The following RGPD2 variants were observed in gnomAD, a reference collection of about 807,000 sequenced individuals.
RGPD2 encodes the protein RANBP2-like and GRIP domain-containing protein 2.
A neutral mutation model predicts 36.0 loss-of-function variants in RGPD2; 2 were observed. The observed-to-expected ratio is 0.06, with a 90% CI of 0.02 to 0.17. The LOEUF is 0.17. Ranked by LOEUF, RGPD2 falls within the 10% of genes least tolerant of loss-of-function variation. RGPD2 has a pLI of 1.00. For missense variants in RGPD2, 40 were observed against 464.3 expected (o/e 0.09, Z 8.40); for synonymous variants, 19 against 163.8 (o/e 0.12, Z 6.75).
chr2:87,884,048 A>G, the RGPD2 span, among the ~76,000 whole-genome samples: 11 of 151,998 alleles, frequency 7.2e-5, no homozygotes, highest in South Asian at 4.2e-4. Context: ...ATTTTAGGCA[A>G]CAACACGATT....
chr2:87,983,896 T>A, the RGPD2 span, among the ~76,000 whole-genome samples: 1 of 152,346 alleles, frequency 6.6e-6, no homozygotes, highest in East Asian at 1.9e-4. Flanking sequence ...CATTAAGAAA[T>A]AAGACCAGGA....
the RGPD2 span, among the ~76,000 whole-genome samples, chr2:87,857,919 A>G: frequency 1.3e-5 from 2 of 152,256 alleles, no homozygotes; most frequent in African/African-American, 4.8e-5. Context: ...TATGTAGTTC[A>G]ATAAAAATAT....
chr2:87,965,296 C>T, the RGPD2 span, among the ~76,000 whole-genome samples: 1 of 138,042 alleles, frequency 7.2e-6, no homozygotes, highest in Admixed American at 7.9e-5. Flanking sequence ...TTAGCTTACC[C>T]CTTTTTGACT....
intron 1 of RGPD2, chr2:87,824,831 CGCCGCCGCCGCCCGGCCAGGCCGAG>C (rs1558738609): frequency 9.7e-6 from 1 of 103,496 alleles, no homozygotes; most frequent in Non-Finnish European, 1.9e-5. Context: ...CCGAGGCCGC[CGCCGCCGCCGCCCGGCCAGGCCGAG>C]GCCGAGGCCG....
chr2:87,809,116 T>C (rs1243269209), intron 6 of RGPD2, among the ~76,000 whole-genome samples: 1 of 139,622 alleles, frequency 7.2e-6, no homozygotes, highest in African/African-American at 2.5e-5. Flanking sequence ...CCATCCTGGC[T>C]AACACAGTGA....
the RGPD2 span, among the ~76,000 whole-genome samples, chr2:87,967,444 T>C: frequency 2.7e-5 from 4 of 150,320 alleles, no homozygotes; most frequent in Non-Finnish European, 4.4e-5. Flanking sequence ...AAATTTGTTT[T>C]TGATAAGAAA....
At chr2:87,876,978 A>T in the RGPD2 span, among the ~76,000 whole-genome samples, 4 of 152,126 alleles carry the variant, frequency 2.6e-5, no homozygotes, top group African/African-American at 9.7e-5. Flanking sequence ...TCTTTTTTTT[A>T]TCTTTCTTGA....
chr2:87,921,331 T>C, the RGPD2 span, among the ~76,000 whole-genome samples: 457 of 152,304 alleles, frequency 3.0e-3, 14 homozygotes, highest in East Asian at 0.034. Context: ...AGCCGGTCCC[T>C]GGACATTATG....
the RGPD2 span, among the ~76,000 whole-genome samples, chr2:87,869,123 T>G: frequency 6.6e-6 from 1 of 151,158 alleles, no homozygotes; most frequent in African/African-American, 2.4e-5. Context: ...ACCATATTGA[T>G]GTATTGGTCC....
At chr2:87,937,896 A>G in the RGPD2 span, among the ~76,000 whole-genome samples, 4 of 151,864 alleles carry the variant, frequency 2.6e-5, no homozygotes, top group African/African-American at 9.7e-5. Context: ...AAGAAATACA[A>G]TTTTTGAAGG....
At chr2:87,912,801 T>C in the RGPD2 span, among the ~76,000 whole-genome samples, 314 of 113,570 alleles carry the variant, frequency 2.8e-3, 1 homozygote, top group Middle Eastern at 7.3e-3. Flanking sequence ...AGCAATATAT[T>C]GAGAAAAGTA....
intron 20 of RGPD2, among the ~76,000 whole-genome samples, chr2:87,780,455 CTT>C (rs1685349913): frequency 6.8e-6 from 1 of 146,232 alleles, no homozygotes; most frequent in Non-Finnish European, 1.5e-5. Context: ...TAAGTTAACA[CTT>C]TTCACATTTC....
chr2:87,988,815 A>G, the RGPD2 span, among the ~76,000 whole-genome samples: 1 of 151,962 alleles, frequency 6.6e-6, no homozygotes, highest in Admixed American at 6.6e-5. Flanking sequence ...TGTTGGGATT[A>G]CAGGTGTGAG....
the RGPD2 span, among the ~76,000 whole-genome samples, chr2:87,842,668 T>C: frequency 6.0e-5 from 9 of 150,986 alleles, no homozygotes; most frequent in Non-Finnish European, 1.0e-4. Flanking sequence ...GCCATCCCCA[T>C]CAAGCTACCA....
chr2:87,870,637 C>T, the RGPD2 span, among the ~76,000 whole-genome samples: 2 of 151,934 alleles, frequency 1.3e-5, no homozygotes, highest in African/African-American at 4.8e-5. Context: ...AATCAAACCT[C>T]TTCCTTCTAG....
chr2:87,971,480 ATAT>A, the RGPD2 span, among the ~76,000 whole-genome samples: 2 of 131,050 alleles, frequency 1.5e-5, no homozygotes, highest in Non-Finnish European at 3.2e-5. Flanking sequence ...TATAATGAAT[ATAT>A]TATTATCTTC....
chr2:87,864,942 T>C, the RGPD2 span, among the ~76,000 whole-genome samples: 6 of 152,218 alleles, frequency 3.9e-5, no homozygotes, highest in Admixed American at 3.9e-4. Flanking sequence ...TAGACTTTGA[T>C]GAAATCTAAT....
At chr2:87,879,489 G>A in the RGPD2 span, among the ~76,000 whole-genome samples, 153 of 129,372 alleles carry the variant, frequency 1.2e-3, no homozygotes, top group Non-Finnish European at 2.2e-3. Context: ...CCAGCCTCTG[G>A]TAAATGTCCT....
the RGPD2 span, among the ~76,000 whole-genome samples, chr2:87,896,912 G>C: frequency 6.8e-6 from 1 of 147,502 alleles, no homozygotes; most frequent in Non-Finnish European, 1.5e-5. Flanking sequence ...TTATATTTCC[G>C]TTAAAATAAT....
Sources: allele counts gnomAD v4.1 joint callset (sites outside exome capture counted in the v4.1 genomes callset), GRCh38; gene constraint gnomAD v4.1.1; transcripts MANE v1.5; gene names NCBI Gene and HGNC (gene_info 2026-07-23, HGNC 2026-07-21).